DISC1: variants seen among roughly 807,000 people sequenced by gnomAD.
DISC1 encodes the protein DISC1 scaffold protein.
In DISC1, 57 loss-of-function variants were observed where a neutral mutation model predicts 84.5. That is an observed-to-expected ratio of 0.67 (90% CI 0.55 to 0.84). DISC1 has a LOEUF of 0.84. Ranked by LOEUF, DISC1 falls within the 40% of genes least tolerant of loss-of-function variation. The pLI is 0.00. For missense variants in DISC1, 1,000 were observed against 1,057.8 expected, an observed-to-expected ratio of 0.95 and a Z score of 0.76; for synonymous variants, 411 against 415.2, an observed-to-expected ratio of 0.99 and a Z score of 0.12.
At chr1:231,834,850 G>A (rs1448675323) in intron 9 of DISC1, among the ~76,000 whole-genome samples, 1 of 152,158 alleles carries the variant, frequency 6.6e-6, no homozygotes, top group African/African-American at 2.4e-5. Flanking sequence ...CCTCTGAAAC[G>A]TGGGTGAATA....
intron 4 of DISC1, among the ~76,000 whole-genome samples, chr1:231,761,509 A>G (rs2075662902): frequency 6.6e-6 from 1 of 152,306 alleles, no homozygotes; most frequent in East Asian, 1.9e-4. Context: ...TAAGAATATG[A>G]GAGACAGACA....
chr1:231,761,962 C>T (rs2075700778), intron 4 of DISC1, among the ~76,000 whole-genome samples: 2 of 152,174 alleles, frequency 1.3e-5, no homozygotes, highest in African/African-American at 4.8e-5. Flanking sequence ...CTCTGCAGCC[C>T]AGAGGAGGAA....
At chr1:231,965,311 T>A (rs1280894908) in intron 10 of DISC1, among the ~76,000 whole-genome samples, 4 of 152,228 alleles carry the variant, frequency 2.6e-5, no homozygotes, top group African/African-American at 9.6e-5. Flanking sequence ...AAAGGAGAGA[T>A]TCCATTTGTG....
At chr1:231,673,946 ACT>A (rs945066987) in intron 1 of DISC1, among the ~76,000 whole-genome samples, 4 of 152,146 alleles carry the variant, frequency 2.6e-5, no homozygotes, top group Admixed American at 2.6e-4. Flanking sequence ...TTTATCCCAG[ACT>A]CTCGTATAAA....
intron 9 of DISC1, among the ~76,000 whole-genome samples, chr1:231,868,184 C>T (rs1023232569): frequency 2.0e-5 from 3 of 152,204 alleles, no homozygotes; most frequent in African/African-American, 7.2e-5. Flanking sequence ...TGCTCGGTAG[C>T]ACCTGCCCCA....
At chr1:231,731,901 C>T (rs1219492519) in intron 3 of DISC1, among the ~76,000 whole-genome samples, 1 of 152,232 alleles carries the variant, frequency 6.6e-6, no homozygotes, top group Non-Finnish European at 1.5e-5. Flanking sequence ...ACAACAAAGT[C>T]ACCAGGTAGA....
intron 10 of DISC1, chr1:231,959,640 C>A: frequency 2.4e-6 from 1 of 417,858 alleles, no homozygotes; most frequent in Non-Finnish European, 3.2e-6. Flanking sequence ...TGCTGCTTTT[C>A]CATTAAGAGA....
chr1:231,800,394 G>T (rs532648306), intron 8 of DISC1, among the ~76,000 whole-genome samples, 184 bp downstream of exon 8: 73 of 152,142 alleles, frequency 4.8e-4, no homozygotes, highest in African/African-American at 1.7e-3. Context: ...AGTGAGTACC[G>T]TATTTGGGAT....
chr1:231,686,641 C>T (rs776689331), intron 1 of DISC1, among the ~76,000 whole-genome samples: 41 of 152,176 alleles, frequency 2.7e-4, no homozygotes, highest in Admixed American at 5.9e-4. Context: ...TTTGACATGC[C>T]GAGGAGATGT....
Position 231,850,153 on chromosome 1 carries a change from A to G in DISC1, c.1981+31636A>G, listed in dbSNP as rs190968228. ...ACTCTGGTAGTGTGCCAAGAGCAGGACTGCATAATTGGTGCATGTGACAAG... is the reference window on the plus strand; with the variant it reads ...ACTCTGGTAGTGTGCCAAGAGCAGGGCTGCATAATTGGTGCATGTGACAAG... On this transcript the variant is annotated intron_variant, in intron 9 of 12. Coordinates refer to ENST00000439617, the MANE Select transcript of DISC1 (RefSeq NM_018662.3). Among the ~76,000 whole-genome samples, 387 of 152,352 alleles carry G rather than the reference A, an allele frequency of 2.5e-3. 1 individual carries two copies. Among genetic ancestry groups the G allele is most frequent in the Non-Finnish European group, 4.1e-3 (276 of 68,030 alleles).
chr1:232,010,854 A>G (rs1667961692), intron 11 of DISC1, among the ~76,000 whole-genome samples: 1 of 152,136 alleles, frequency 6.6e-6, no homozygotes, highest in East Asian at 1.9e-4. Context: ...AGAGATAAGG[A>G]TACTCCTTTC....
At chr1:231,728,660 T>C (rs953355711) in intron 3 of DISC1, among the ~76,000 whole-genome samples, 2 of 152,254 alleles carry the variant, frequency 1.3e-5, no homozygotes, top group African/African-American at 4.8e-5. Context: ...ACCTGAGGTC[T>C]TTCTTCCATC....
chr1:231,900,675 A>T (rs920162184), intron 9 of DISC1, among the ~76,000 whole-genome samples: 2 of 152,198 alleles, frequency 1.3e-5, no homozygotes, highest in Non-Finnish European at 2.9e-5. Flanking sequence ...CTCTTCTGCC[A>T]TGGGAAAAAT....
chr1:231,906,735 C>T (rs1374685848), intron 9 of DISC1, among the ~76,000 whole-genome samples: 1 of 151,858 alleles, frequency 6.6e-6, no homozygotes, highest in African/African-American at 2.4e-5. Context: ...TTTTGGCAGA[C>T]ATTGTGACCA....
chr1:231,932,739 T>C (rs2090742107), intron 9 of DISC1, among the ~76,000 whole-genome samples: 2 of 152,156 alleles, frequency 1.3e-5, no homozygotes, highest in Non-Finnish European at 2.9e-5. Flanking sequence ...TTATGTCTCT[T>C]CTAAGCTCAG....
intron 1 of DISC1, among the ~76,000 whole-genome samples, chr1:231,666,448 G>A (rs1242711697): frequency 6.6e-6 from 1 of 152,124 alleles, no homozygotes; most frequent in African/African-American, 2.4e-5. Flanking sequence ...AAAGGGCCAT[G>A]GGAACTTCTC....
intron 9 of DISC1, among the ~76,000 whole-genome samples, chr1:231,871,789 CA>C (rs952390507): frequency 5.9e-5 from 9 of 152,090 alleles, no homozygotes; most frequent in African/African-American, 2.2e-4. Flanking sequence ...CATGTGGGGT[CA>C]GGGGTGGTGA....
At chr1:231,798,772 A>G (rs1389411476) in intron 7 of DISC1, among the ~76,000 whole-genome samples, 1 of 152,182 alleles carries the variant, frequency 6.6e-6, no homozygotes, top group Non-Finnish European at 1.5e-5. Flanking sequence ...GTCTTCATCC[A>G]GAGAATGATT....
chr1:231,760,426 A>AAACAATGG (rs2075555654), intron 4 of DISC1, among the ~76,000 whole-genome samples: 1 of 152,212 alleles, frequency 6.6e-6, no homozygotes, highest in African/African-American at 2.4e-5. Flanking sequence ...GATAGTCATC[A>AAACAATGG]GTAGGGAGCA....
Sources: gnomAD v4.1 joint callset for allele counts (sites outside exome capture counted in the v4.1 genomes callset) on GRCh38, gnomAD v4.1.1 for gene constraint, MANE v1.5 for transcripts, NCBI Gene and HGNC (gene_info 2026-07-23, HGNC 2026-07-21) for gene names.